Variants in TBC1D22A observed in about 807,000 individuals in gnomAD.
The protein encoded by TBC1D22A is TBC1 domain family member 22A.
In TBC1D22A, 38 loss-of-function variants were observed where a neutral mutation model predicts 60.2. The ratio of observed to expected loss-of-function variants is 0.63; its 90% confidence interval spans 0.49 to 0.83. The LOEUF is 0.83. TBC1D22A is among the 40% of genes least tolerant of loss of function. The pLI, the probability that TBC1D22A is intolerant of heterozygous loss-of-function variation, is 0.00. For missense variants in TBC1D22A, 628 were observed against 701.0 expected (o/e 0.90, Z 1.18); for synonymous variants, 302 against 281.7 (o/e 1.07, Z -0.72).
At chr22:47,115,623 C>T (rs546274255) in intron 12 of TBC1D22A, among the ~76,000 whole-genome samples, 17 of 152,294 alleles carry the variant, frequency 1.1e-4, no homozygotes, top group African/African-American at 3.4e-4. Flanking sequence ...CACTGGGGCC[C>T]AGCAGGGGTG....
At chr22:47,030,650 G>T (rs2062439982) in intron 10 of TBC1D22A, among the ~76,000 whole-genome samples, 1 of 152,130 alleles carries the variant, frequency 6.6e-6, no homozygotes, top group Non-Finnish European at 1.5e-5. Flanking sequence ...AATTACACCT[G>T]CCTGCTCATT....
chr22:46,858,129 T>C (rs961718674), intron 4 of TBC1D22A, among the ~76,000 whole-genome samples: 1 of 152,166 alleles, frequency 6.6e-6, no homozygotes, highest in African/African-American at 2.4e-5. Context: ...CATTTAAACA[T>C]TGTCACCATC....
chr22:46,986,931 G>A (rs1031837984), intron 9 of TBC1D22A, among the ~76,000 whole-genome samples: 2 of 152,156 alleles, frequency 1.3e-5, no homozygotes, highest in African/African-American at 4.8e-5. Context: ...CTAGACTCCC[G>A]TTCATTTAAG....
chr22:47,065,601 C>T (rs955596872), intron 11 of TBC1D22A, among the ~76,000 whole-genome samples: 32 of 44,634 alleles, frequency 7.2e-4, no homozygotes, highest in Admixed American at 1.2e-3. Context: ...TGTGTTTTTG[C>T]TGTGGGTCTC....
chr22:46,992,898 T>C (rs2074998201), intron 9 of TBC1D22A, among the ~76,000 whole-genome samples: 1 of 152,036 alleles, frequency 6.6e-6, no homozygotes, highest in South Asian at 2.1e-4. Context: ...GGCCATTGCT[T>C]GCAGAAAAGA....
chr22:47,086,285 G>A (rs1325229688), intron 11 of TBC1D22A, among the ~76,000 whole-genome samples: 3 of 152,108 alleles, frequency 2.0e-5, no homozygotes, highest in Non-Finnish European at 2.9e-5. Flanking sequence ...GAGAAACCCC[G>A]TCTCTACTAA....
intron 4 of TBC1D22A, among the ~76,000 whole-genome samples, chr22:46,813,583 G>T (rs2085471158): frequency 6.6e-6 from 1 of 152,266 alleles, no homozygotes; most frequent in South Asian, 2.1e-4. Context: ...GAGGCACAGG[G>T]GACCCAAAGG....
intron 8 of TBC1D22A, among the ~76,000 whole-genome samples, chr22:46,934,231 T>A (rs2071516433): frequency 6.6e-6 from 1 of 152,240 alleles, no homozygotes; most frequent in Non-Finnish European, 1.5e-5. Flanking sequence ...CTTGAAATTT[T>A]AAGTACCAGG....
chr22:46,966,953 G>A (rs1452140263), intron 8 of TBC1D22A, among the ~76,000 whole-genome samples: 2 of 152,148 alleles, frequency 1.3e-5, no homozygotes, highest in African/African-American at 4.8e-5. Context: ...CACTCTTGGG[G>A]CTGGCAGTTG....
chr22:46,861,394 C>G (rs1251979330), intron 4 of TBC1D22A, among the ~76,000 whole-genome samples: 1 of 152,252 alleles, frequency 6.6e-6, no homozygotes. Flanking sequence ...TGGCCAGCGT[C>G]TAGCCCAGGT....
At chr22:46,853,676 G>A (rs556402668) in intron 4 of TBC1D22A, among the ~76,000 whole-genome samples, 1 of 152,350 alleles carries the variant, frequency 6.6e-6, no homozygotes, top group African/African-American at 2.4e-5. Context: ...CTTGAGAGCG[G>A]AACAGGAACG....
At chr22:46,798,650 G>C (rs1006797127) in intron 4 of TBC1D22A, among the ~76,000 whole-genome samples, 3 of 152,242 alleles carry the variant, frequency 2.0e-5, no homozygotes, top group Admixed American at 6.5e-5. Context: ...TGGAGCTCTC[G>C]GGAGGACCGG....
chr22:47,148,967 C>G (rs1363568531), intron 12 of TBC1D22A, among the ~76,000 whole-genome samples: 1 of 151,972 alleles, frequency 6.6e-6, no homozygotes, highest in African/African-American at 2.4e-5. Flanking sequence ...TCCCTTCATG[C>G]CGGTTCTAGG....
In TBC1D22A at chr22:46,977,348, A is replaced by G. The variant is rs1035522381; in HGVS notation, c.1125+2949A>G. 8.5e-5 allele frequency among the ~76,000 whole-genome samples: 13 copies of G among 152,148 alleles called. No individual in the cohort carries two copies. In the East Asian group the frequency reaches 2.3e-3, roughly 27 times the overall value. On this transcript the variant is annotated intron_variant, in intron 9 of 12. Coordinates refer to ENST00000337137, the MANE Select transcript of TBC1D22A (RefSeq NM_014346.5). The stretch of plus-strand genomic sequence containing the variant: ...AACTTTGTCATTTTGGCCGAGATGT[A>G]TGAAGCACCTGCCTTCTCTCTGCAG...
intron 4 of TBC1D22A, among the ~76,000 whole-genome samples, chr22:46,825,662 C>T (rs539120312): frequency 2.6e-5 from 4 of 151,054 alleles, no homozygotes; most frequent in African/African-American, 7.3e-5. Context: ...TTAGTAGAGA[C>T]GGGGTTTTGC....
At chr22:47,072,398 C>T (rs1448373893) in intron 11 of TBC1D22A, among the ~76,000 whole-genome samples, 3 of 152,270 alleles carry the variant, frequency 2.0e-5, no homozygotes, top group African/African-American at 7.2e-5. Flanking sequence ...CTTCTGGTCG[C>T]AGCCTCCTTG....
intron 7 of TBC1D22A, among the ~76,000 whole-genome samples, chr22:46,902,546 A>G (rs1464973388): frequency 1.3e-5 from 2 of 152,228 alleles, no homozygotes; most frequent in Admixed American, 1.3e-4. Flanking sequence ...GCCCTTTGCT[A>G]GATAATATCA....
chr22:46,862,020 G>C (rs976066042), intron 4 of TBC1D22A, among the ~76,000 whole-genome samples: 2 of 152,144 alleles, frequency 1.3e-5, no homozygotes, highest in African/African-American at 4.8e-5. Flanking sequence ...TGGCCTTGTG[G>C]CTTCAGGAGG....
At chr22:46,848,254 T>C (rs765375805) in intron 4 of TBC1D22A, among the ~76,000 whole-genome samples, 1 of 152,254 alleles carries the variant, frequency 6.6e-6, no homozygotes, top group Non-Finnish European at 1.5e-5. Context: ...AGAAGTATTC[T>C]AGTGGAACTC....
Sources: allele counts gnomAD v4.1 joint callset (sites outside exome capture counted in the v4.1 genomes callset), GRCh38; gene constraint gnomAD v4.1.1; transcripts MANE v1.5; gene names NCBI Gene and HGNC (gene_info 2026-07-23, HGNC 2026-07-21).